ZC3H13: variants seen among roughly 807,000 people sequenced by gnomAD.
ZC3H13 encodes the protein zinc finger CCCH domain-containing protein 13.
Under a neutral mutation model 204.1 loss-of-function variants are expected in ZC3H13, and 64 were observed. The ratio of observed to expected loss-of-function variants is 0.31; its 90% confidence interval spans 0.26 to 0.39. ZC3H13 has a LOEUF of 0.39. Among genes scored for constraint, ZC3H13 ranks in the 10% least tolerant of loss-of-function variants. The pLI is 1.00. For missense variants in ZC3H13, 1,833 were observed against 2,082.7 expected (o/e 0.88, Z 2.33); for synonymous variants, 667 against 693.7 (o/e 0.96, Z 0.60).
chr13:46,034,077 C>A (rs2043064024), intron 4 of ZC3H13, among the ~76,000 whole-genome samples: 1 of 152,060 alleles, frequency 6.6e-6, no homozygotes, highest in African/African-American at 2.4e-5. Context: ...TGTTCAACAT[C>A]ACTAACCATT....
chr13:46,005,258 A>C (rs1325034858), intron 7 of ZC3H13, among the ~76,000 whole-genome samples: 1 of 152,024 alleles, frequency 6.6e-6, no homozygotes, highest in African/African-American at 2.4e-5. Context: ...TTTTTACTCA[A>C]TTTCTTCTAT....
intron 1 of ZC3H13, among the ~76,000 whole-genome samples, chr13:46,049,083 T>TGG (rs555588645): frequency 3.8e-4 from 53 of 138,434 alleles, no homozygotes; most frequent in African/African-American, 1.3e-3. Context: ...ACCCGGGAGG[T>TGG]GGAGGTTGCA....
rs1376909269 is a variant in ZC3H13 at position 45,963,978 on chromosome 13, T to C, written c.4539A>G (p.Arg1513=). The C allele has an allele frequency of 6.2e-7, 1 of 1,614,170 alleles. No individual in the cohort carries two copies. ...ATTTTAAGAGTGCAGCCCCAGGCTC[T>C]CGTGGTTCTTTTGGATGCTTTGGCA... is the stretch of plus-strand genomic sequence containing the variant. The part of the protein sequence containing the change: ...GLMPKHPKEP[R]EPGAALLKFT... The change falls in exon 17 of 19, where the codon CGA becomes CGG. Residue 1513 remains arginine, a synonymous_variant. Coordinates refer to ENST00000679008, the MANE Select transcript of ZC3H13 (RefSeq NM_001330564.2).
At chr13:46,000,031 T>A (rs965153901) in intron 8 of ZC3H13, among the ~76,000 whole-genome samples, 1 of 152,214 alleles carries the variant, frequency 6.6e-6, no homozygotes, top group African/African-American at 2.4e-5. Context: ...AAATATTTAG[T>A]AAACCATGCT....
intron 15 of ZC3H13, among the ~76,000 whole-genome samples, chr13:45,966,043 C>T (rs1952055183): frequency 6.6e-6 from 1 of 152,076 alleles, no homozygotes; most frequent in Non-Finnish European, 1.5e-5. Flanking sequence ...TGCTTTAATA[C>T]AATTAAAAAT....
chr13:45,960,880 G>A (rs1248707581), intron 17 of ZC3H13, among the ~76,000 whole-genome samples: 3 of 152,146 alleles, frequency 2.0e-5, no homozygotes, highest in Admixed American at 6.5e-5. Context: ...CAATTTTCTG[G>A]GCTGCAAAGT....
chr13:46,027,402 G>A (rs1362548867), intron 4 of ZC3H13, among the ~76,000 whole-genome samples: 1 of 152,226 alleles, frequency 6.6e-6, no homozygotes, highest in East Asian at 1.9e-4. Flanking sequence ...ACTGTGCCCG[G>A]TGAGATACTG....
At chr13:45,976,599 T>C (rs1053863432) in intron 11 of ZC3H13, among the ~76,000 whole-genome samples, 6 of 152,194 alleles carry the variant, frequency 3.9e-5, no homozygotes, top group African/African-American at 1.4e-4. Context: ...TTTATATAAA[T>C]TTTTTCCATG....
chr13:46,029,939 T>G (rs1032242115), intron 4 of ZC3H13, among the ~76,000 whole-genome samples: 1 of 152,198 alleles, frequency 6.6e-6, no homozygotes, highest in South Asian at 2.1e-4. Flanking sequence ...CTATATATAT[T>G]TGTATCATAA....
intron 8 of ZC3H13, among the ~76,000 whole-genome samples, chr13:45,999,061 G>A (rs2040554393): frequency 6.6e-6 from 1 of 152,138 alleles, no homozygotes; most frequent in Admixed American, 6.6e-5. Flanking sequence ...AACATAGCGA[G>A]ACCTCATCTC....
At chr13:45,992,288 C>T (rs9534271) in intron 8 of ZC3H13, among the ~76,000 whole-genome samples, 16,260 of 151,980 alleles carry the variant, frequency 0.11, 1,097 homozygotes, top group East Asian at 0.28. Context: ...TACTAAGCTC[C>T]AAGCATTATT....
At chr13:46,000,216 A>C (rs1443869104) in intron 8 of ZC3H13, among the ~76,000 whole-genome samples, 1 of 152,138 alleles carries the variant, frequency 6.6e-6, no homozygotes, top group African/African-American at 2.4e-5. Context: ...TGTTCTTCGG[A>C]GCTTTGAAGC....
At chr13:45,984,974 A>G (rs772790681) in intron 10 of ZC3H13, among the ~76,000 whole-genome samples, 1 of 152,178 alleles carries the variant, frequency 6.6e-6, no homozygotes, top group Non-Finnish European at 1.5e-5. Flanking sequence ...ACATTTTATC[A>G]TATTTATACC....
At chr13:45,962,295 C>CGTA in intron 17 of ZC3H13, 1 of 985,344 alleles carries the variant, frequency 1.0e-6, no homozygotes, top group Non-Finnish European at 1.2e-6. Context: ...CCACCCTTTA[C>CGTA]AGTGCATATT....
At chr13:46,032,346 CAG>C (rs369158942) in intron 4 of ZC3H13, among the ~76,000 whole-genome samples, 104 of 88,962 alleles carry the variant, frequency 1.2e-3, no homozygotes, top group African/African-American at 4.0e-3. Flanking sequence ...ATTTTTAAAA[CAG>C]AGAAGAAAAA....
At chr13:45,993,021 A>G (rs2040074885) in intron 8 of ZC3H13, among the ~76,000 whole-genome samples, 1 of 152,086 alleles carries the variant, frequency 6.6e-6, no homozygotes, top group African/African-American at 2.4e-5. Flanking sequence ...CATTCTAGAC[A>G]TATCTTCTAC....
chr13:45,975,964 C>G, intron 11 of ZC3H13, 126 bp from the exon 12 acceptor site: 2 of 1,396,612 alleles, frequency 1.4e-6, no homozygotes, highest in African/African-American at 2.9e-5. Context: ...AACCAAGTAG[C>G]ATATTTAATT....
chr13:45,974,973 A>G (rs1952895522), intron 12 of ZC3H13, among the ~76,000 whole-genome samples: 1 of 151,926 alleles, frequency 6.6e-6, no homozygotes, highest in Non-Finnish European at 1.5e-5. Flanking sequence ...CAGCCTCCCA[A>G]GTAGCTGGGA....
At position 45,956,287 on chromosome 13, in the gene ZC3H13, CA is replaced by C. The variant is rs1322392139; in HGVS notation, c.*839del. 1 of 152,044 alleles carries C rather than the reference CA, an allele frequency of 6.6e-6. No homozygotes were observed. Among genetic ancestry groups the C allele is most frequent in the East Asian group, 1.9e-4 (1 of 5,202 alleles). 9.4% of individuals were successfully genotyped at this position (152,044 alleles called of 1,614,324 possible). A position where few individuals can be genotyped will look rare whatever the true frequency, so the allele number is the denominator to read the frequency against. Reference sequence around the variant, plus strand: ...CATTCCAAGAAGATGCCTTAAGTATCAATGAGCTATATTTGAAGTACATCAA... The same window carrying C: ...CATTCCAAGAAGATGCCTTAAGTATCATGAGCTATATTTGAAGTACATCAA... On this transcript the variant is annotated 3_prime_UTR_variant, in exon 19 of 19. Coordinates refer to ENST00000679008, the MANE Select transcript of ZC3H13 (RefSeq NM_001330564.2).
Sources: allele counts gnomAD v4.1 joint callset (sites outside exome capture counted in the v4.1 genomes callset), GRCh38; gene constraint gnomAD v4.1.1; transcripts MANE v1.5; gene names NCBI Gene and HGNC (gene_info 2026-07-23, HGNC 2026-07-21).